The following ZSCAN5A variants were observed in gnomAD, a reference collection of about 807,000 sequenced individuals.
ZSCAN5A encodes zinc finger and SCAN domain containing 5A, also known as zinc finger and SCAN domain-containing protein 5A.
Under a neutral mutation model 23.7 loss-of-function variants are expected in ZSCAN5A, and 12 were observed. That is an observed-to-expected ratio of 0.51 (90% CI 0.32 to 0.82). The LOEUF (loss-of-function observed/expected upper bound fraction) is 0.82. ZSCAN5A is among the 40% of genes least tolerant of loss of function. The pLI is 0.03. For missense variants in ZSCAN5A, 597 were observed against 617.9 expected (o/e 0.97, Z 0.36); for synonymous variants, 257 against 239.9 (o/e 1.07, Z -0.66).
Position 56,266,135 on chromosome 19 carries a change from C to G in ZSCAN5A, c.-127-40962G>C, listed in dbSNP as rs540134384. 2.6e-5 allele frequency: 4 copies of G among 152,282 alleles called. No homozygotes were observed. The South Asian group carries it at 8.3e-4, about 32-fold the overall frequency. The allele number at this position is 152,282 out of a possible 1,614,324, so 9.4% of individuals were successfully genotyped here. A position where few individuals can be genotyped will look rare whatever the true frequency, so the allele number is the denominator to read the frequency against. On this transcript the variant is annotated intron_variant, in intron 2 of 5. Coordinates refer to ENST00000683990, the MANE Select transcript of ZSCAN5A (RefSeq NM_001322064.3). ...AGAGAAATTATAATACTACCCAGCT[C>G]TTAAAATTATGAGCTAATAGATATG...
intron 2 of ZSCAN5A, among the ~76,000 whole-genome samples, chr19:56,358,403 G>A (rs1014797738): frequency 4.0e-5 from 6 of 149,080 alleles, no homozygotes; most frequent in African/African-American, 1.3e-4. Flanking sequence ...TTACAGGCGT[G>A]AGCCTCCACG....
intron 2 of ZSCAN5A, chr19:56,225,500 C>CA (rs2033835327): frequency 6.5e-6 from 1 of 154,956 alleles, no homozygotes; most frequent in African/African-American, 2.4e-5. Flanking sequence ...TATGTTTCCC[C>CA]ATCAGGACAA....
chr19:56,363,495 G>C (rs1020669595), intron 1 of ZSCAN5A: 4 of 152,204 alleles, frequency 2.6e-5, no homozygotes, highest in African/African-American at 9.7e-5. Context: ...GGAAGAGTTT[G>C]GAGGGCTCAG....
At chr19:56,363,066 A>T (rs2041744403) in intron 2 of ZSCAN5A, 2 of 152,126 alleles carry the variant, frequency 1.3e-5, no homozygotes. Context: ...CATTCCTGTA[A>T]CTCTCAGTAC....
intron 2 of ZSCAN5A, among the ~76,000 whole-genome samples, chr19:56,261,316 ATC>A (rs1313694893): frequency 6.6e-6 from 1 of 152,106 alleles, no homozygotes; most frequent in Non-Finnish European, 1.5e-5. Context: ...TATGGTACTG[ATC>A]TCCCAGTGGT....
chr19:56,359,829 C>A (rs1306947490), intron 2 of ZSCAN5A, among the ~76,000 whole-genome samples: 1 of 152,138 alleles, frequency 6.6e-6, no homozygotes, highest in Non-Finnish European at 1.5e-5. Context: ...ACAAAAAACA[C>A]AACACTATCT....
At chr19:56,258,189 T>TATATACCC (rs1357305922) in intron 2 of ZSCAN5A, among the ~76,000 whole-genome samples, 14 of 152,362 alleles carry the variant, frequency 9.2e-5, no homozygotes, top group African/African-American at 2.6e-4. Context: ...ACCCGCCTCT[T>TATATACCC]GGTGCTATAA....
intron 1 of ZSCAN5A, chr19:56,364,815 A>G (rs567035183): frequency 4.8e-4 from 73 of 152,356 alleles, no homozygotes; most frequent in African/African-American, 1.7e-3. Flanking sequence ...AAAAGAATAC[A>G]TATTGTATAC....
chr19:56,351,914 A>G lies in ZSCAN5A; in HGVS notation c.-358+11321T>C, dbSNP rs2147460353. Reference sequence around the variant, plus strand: ...CCTTTTCCCAGCAATAATTTTACAGACCTGAGACGTTTGCAAGATGAAATT... The same window carrying G: ...CCTTTTCCCAGCAATAATTTTACAGGCCTGAGACGTTTGCAAGATGAAATT... On this transcript the variant is annotated intron_variant, in intron 2 of 6. Coordinates refer to the ZSCAN5A transcript ENST00000587340. The surrounding 1 kb of genome is among the most constrained non-coding windows in gnomAD (Gnocchi z 4.8). Among the ~76,000 whole-genome samples the G allele has an allele frequency of 6.6e-6, 1 of 152,238 alleles. No homozygotes were observed. The highest frequency in any genetic ancestry group is 2.1e-4 in the South Asian group (1 of 4,816).
chr19:56,248,111 T>C (rs568307352), intron 2 of ZSCAN5A, among the ~76,000 whole-genome samples: 1 of 152,124 alleles, frequency 6.6e-6, no homozygotes, highest in Non-Finnish European at 1.5e-5. Flanking sequence ...AAAGTAGGTG[T>C]CCAGATTAAA....
At chr19:56,289,979 C>G (rs376173027) in intron 2 of ZSCAN5A, among the ~76,000 whole-genome samples, 2 of 152,148 alleles carry the variant, frequency 1.3e-5, no homozygotes, top group Admixed American at 6.5e-5. Flanking sequence ...TTGAAGAAAA[C>G]GAATACTGGA....
At chr19:56,244,498 G>A (rs111429542) in intron 2 of ZSCAN5A, 36,227 of 1,483,202 alleles carry the variant, frequency 0.024, 1,141 homozygotes, top group East Asian at 0.2. Flanking sequence ...AGCTGGACTC[G>A]AGAGGACCCG....
chr19:56,311,371 A>G (rs2041024804), intron 2 of ZSCAN5A, among the ~76,000 whole-genome samples: 1 of 152,170 alleles, frequency 6.6e-6, no homozygotes, highest in Non-Finnish European at 1.5e-5. Flanking sequence ...TATTTTCCTC[A>G]TTTATGTTAA....
At chr19:56,321,479 G>C (rs2041375031) in intron 2 of ZSCAN5A, 1 of 693,950 alleles carries the variant, frequency 1.4e-6, no homozygotes, top group East Asian at 2.5e-5. Context: ...TCAAATTCCT[G>C]CCCTGTGAGG....
At chr19:56,240,469 T>C (rs1023663241) in intron 2 of ZSCAN5A, among the ~76,000 whole-genome samples, 1 of 152,076 alleles carries the variant, frequency 6.6e-6, no homozygotes, top group African/African-American at 2.4e-5. Context: ...ATAGGCGCAG[T>C]TCAGCTCCAG....
At position 56,302,097 on chromosome 19, in the gene ZSCAN5A, TAAG is replaced by T. The variant is rs370434444; in HGVS notation, c.-128+11183_-128+11185del. 167 of 1,231,400 alleles carry T rather than the reference TAAG, an allele frequency of 1.4e-4. No individual in the cohort carries two copies. The African/African-American group carries it at 2.3e-3, about 17-fold the overall frequency. 76.3% of individuals were successfully genotyped at this position (1,231,400 alleles called of 1,614,324 possible). A position where few individuals can be genotyped will look rare whatever the true frequency, so the allele number is the denominator to read the frequency against. On this transcript the variant is annotated intron_variant, in intron 2 of 5. Coordinates refer to ENST00000683990, the MANE Select transcript of ZSCAN5A (RefSeq NM_001322064.3). ...GTATCCTACAACAAAGGGGACTGGG[TAAG>T]AAGAAGGCAGCACGGAGGGGAGGAG...
chr19:56,292,080 T>G (rs748090844), intron 2 of ZSCAN5A, among the ~76,000 whole-genome samples: 2 of 152,168 alleles, frequency 1.3e-5, no homozygotes, highest in African/African-American at 2.4e-5. Context: ...GATCCTGGGC[T>G]GCGTGACTCA....
rs568235546 is a variant in ZSCAN5A at position 56,291,180 on chromosome 19, T to C, written c.-128+22103A>G. On this transcript the variant is annotated intron_variant, in intron 2 of 5. Coordinates refer to ENST00000683990, the MANE Select transcript of ZSCAN5A (RefSeq NM_001322064.3). Reference sequence around the variant, plus strand: ...GAAAGCATTGAGTTGTACATATTTGTTGGGAGGGCCATTGAGAAGAGAACC... The same window carrying C: ...GAAAGCATTGAGTTGTACATATTTGCTGGGAGGGCCATTGAGAAGAGAACC... Among the ~76,000 whole-genome samples, 5 of 152,292 alleles carry C rather than the reference T, an allele frequency of 3.3e-5. No homozygotes were observed. In the East Asian group the frequency reaches 5.8e-4, roughly 18 times the overall value.
chr19:56,241,141 C>T (rs2035396457), intron 2 of ZSCAN5A, among the ~76,000 whole-genome samples: 1 of 152,232 alleles, frequency 6.6e-6, no homozygotes, highest in African/African-American at 2.4e-5. Flanking sequence ...GTCCTGTGTG[C>T]TATATACTCC....
Sources: gnomAD v4.1 joint callset for allele counts (sites outside exome capture counted in the v4.1 genomes callset) on GRCh38, gnomAD v4.1.1 for gene constraint, Gnocchi (gnomAD v3.1) non-coding constraint, MANE v1.5 for transcripts, NCBI Gene and HGNC (gene_info 2026-07-23, HGNC 2026-07-21) for gene names.